Variants in OPTN observed in about 807,000 individuals in gnomAD.
The protein encoded by OPTN is E3-14.7K-interacting protein.
OPTN carries 54 observed loss-of-function variants against 70.4 expected under a neutral mutation model. The ratio of observed to expected loss-of-function variants is 0.77; its 90% CI spans 0.62 to 0.96. The LOEUF (loss-of-function observed/expected upper bound fraction) is 0.96, where lower values mean the gene tolerates loss of function less well. Ranked by LOEUF, OPTN falls within the 40% of genes least tolerant of loss-of-function variation. The pLI, the probability that OPTN is intolerant of heterozygous loss-of-function variation, is 0.00. For missense variants in OPTN, 624 were observed against 673.2 expected, an observed-to-expected ratio of 0.93 and a Z score of 0.81; for synonymous variants, 256 against 248.5, an observed-to-expected ratio of 1.03 and a Z score of -0.28.
chr10:13,104,925 C>T, intron 1 of OPTN: 1 of 269,226 alleles, frequency 3.7e-6, no homozygotes, highest in Non-Finnish European at 7.2e-6. Flanking sequence ...GGTGCAGTGG[C>T]TGCTGGTGGT....
chr10:13,121,971 G>A (rs554760222), intron 7 of OPTN, among the ~76,000 whole-genome samples: 2 of 152,092 alleles, frequency 1.3e-5, no homozygotes, highest in Non-Finnish European at 2.9e-5. Flanking sequence ...TTTTGTTGTC[G>A]TTTATTCGGT....
At position 13,125,445 on chromosome 10, in the gene OPTN, T is replaced by C; in HGVS notation, c.1026T>C (p.Ser342=). The C allele has an allele frequency of 6.2e-7, 1 of 1,614,198 alleles. No homozygotes were observed. The highest frequency in any genetic ancestry group is 8.5e-7 in the Non-Finnish European group (1 of 1,180,012). ...GTCAGGCCCTTGAAAGGAAAAATTC[T>C]GCAATTCCATCAGAGTTGAATGAAA... The part of the protein sequence containing the change: ...EKCQALERKN[S]AIPSELNEKQ... The change falls in exon 10 of 15, where the codon TCT becomes TCC. Residue 342 remains serine (S), a synonymous_variant. Transcript: ENST00000378747.
chr10:13,112,672 A>C, intron 5 of OPTN, 37 bp downstream of exon 5: 1 of 1,589,090 alleles, frequency 6.3e-7, no homozygotes, highest in South Asian at 1.1e-5. Flanking sequence ...TGAGCAAACT[A>C]TAAAGCCTCC....
At chr10:13,133,699 G>A in intron 14 of OPTN, 118 bp downstream of exon 14, 1 of 841,168 alleles carries the variant, frequency 1.2e-6, no homozygotes, top group Non-Finnish European at 2.0e-6. Context: ...CAAAAATATA[G>A]CACCCGTCAG....
intron 14 of OPTN, 113 bp downstream of exon 14, chr10:13,133,694 A>G: frequency 1.1e-6 from 1 of 879,902 alleles, no homozygotes; most frequent in Non-Finnish European, 1.8e-6. Context: ...GGCACCAAAA[A>G]TATAGCACCC....
intron 1 of OPTN, among the ~76,000 whole-genome samples, chr10:13,104,108 A>G (rs893191295): frequency 4.6e-5 from 7 of 152,170 alleles, no homozygotes; most frequent in African/African-American, 1.7e-4. Flanking sequence ...AAAACAGAGA[A>G]TGAAGCTTTC....
chr10:13,113,718 A>T lies in OPTN; in HGVS notation c.552+1083A>T, dbSNP rs573638665. On this transcript the variant is annotated intron_variant, in intron 5 of 14. Coordinates refer to ENST00000378747, the MANE Select transcript of OPTN (RefSeq NM_001008212.2). ...GATAGACAAGGATAAAATCCTCTGT[A>T]GTATAGATGGTCACTTTCGATGAGT... 3.3e-3 allele frequency among the ~76,000 whole-genome samples: 499 copies of T among 152,304 alleles called. 4 individuals are homozygous for T. Among genetic ancestry groups the T allele is most frequent in the African/African-American group, 0.012 (481 of 41,564 alleles).
At chr10:13,102,930 G>C (rs188607906) in intron 1 of OPTN, among the ~76,000 whole-genome samples, 3 of 148,902 alleles carry the variant, frequency 2.0e-5, no homozygotes, top group African/African-American at 7.3e-5. Context: ...GCGACAGAGT[G>C]AGACTGAGTC....
At chr10:13,136,660 T>G in intron 14 of OPTN, 85 bp from the exon 15 acceptor site, 1 of 1,553,422 alleles carries the variant, frequency 6.4e-7, no homozygotes, top group Non-Finnish European at 8.8e-7. Context: ...TGAACTGATG[T>G]TAAAACTCGC....
intron 12 of OPTN, 118 bp downstream of exon 12, chr10:13,128,021 T>C: frequency 8.2e-7 from 1 of 1,215,932 alleles, no homozygotes; most frequent in Middle Eastern, 2.7e-4. Flanking sequence ...TTTTCACCCG[T>C]GAGTGTATTA....
intron 1 of OPTN, among the ~76,000 whole-genome samples, chr10:13,106,247 AG>A (rs1426857039): frequency 1.3e-5 from 2 of 152,236 alleles, no homozygotes; most frequent in Non-Finnish European, 2.9e-5. Flanking sequence ...TCTGCAAATT[AG>A]GTAGGAACAC....
rs1488578242 is a variant in OPTN at position 13,115,416 on chromosome 10, TAGA to T, written c.553-849_553-847del. Among the ~76,000 whole-genome samples, 31 of 107,842 alleles carry T rather than the reference TAGA, an allele frequency of 2.9e-4. 1 individual carries two copies. The highest frequency in any genetic ancestry group is 1.2e-3 in the African/African-American group (31 of 26,578). 70.7% of individuals were successfully genotyped at this position (107,842 alleles called of 152,430 possible). ...AATAGATATATCTGTATTTATATTA[TAGA>T]ATATATATAATATAGAATATATATA... On this transcript the variant is annotated intron_variant, in intron 5 of 14. Coordinates refer to ENST00000378747, the MANE Select transcript of OPTN (RefSeq NM_001008212.2).
chr10:13,136,892 C>G lies in OPTN; in HGVS notation c.*26C>G, dbSNP rs373873655. ...GTGTTGATGTATCACCTCCCCAAAA[C>G]TGTTGGTAAATGTCAGATTTTTTCC... On this transcript the variant is annotated 3_prime_UTR_variant, in exon 15 of 15. Transcript: ENST00000378747. 2.8e-5 allele frequency: 45 copies of G among 1,613,852 alleles called. No homozygotes were observed. Among genetic ancestry groups the G allele is most frequent in the African/African-American group, 1.1e-4 (8 of 74,944 alleles).
At chr10:13,107,669 C>T (rs1006404701) in intron 1 of OPTN, among the ~76,000 whole-genome samples, 1 of 152,084 alleles carries the variant, frequency 6.6e-6, no homozygotes, top group Non-Finnish European at 1.5e-5. Flanking sequence ...GCGTGAGCCA[C>T]CGCGCCCGGC....
intron 12 of OPTN, among the ~76,000 whole-genome samples, chr10:13,128,459 C>T (rs1833516101): frequency 7.9e-6 from 1 of 126,224 alleles, no homozygotes; most frequent in African/African-American, 3.1e-5. Flanking sequence ...GTGTTTTTGG[C>T]CTTTGAGGTA....
intron 1 of OPTN, among the ~76,000 whole-genome samples, chr10:13,100,651 C>T (rs1333443079): frequency 6.6e-6 from 1 of 152,182 alleles, no homozygotes; most frequent in Non-Finnish European, 1.5e-5. Context: ...GCAGCCAGTT[C>T]CTCGCCATAA....
At chr10:13,125,201 G>A (rs1270471728) in intron 9 of OPTN, among the ~76,000 whole-genome samples, 6 of 152,206 alleles carry the variant, frequency 3.9e-5, no homozygotes, top group Non-Finnish European at 8.8e-5. Context: ...AGTACTGCAT[G>A]TGAGCTTAGA....
chr10:13,127,265 A>G (rs536563595), intron 11 of OPTN, among the ~76,000 whole-genome samples: 10 of 152,300 alleles, frequency 6.6e-5, no homozygotes, highest in Admixed American at 1.3e-4. Context: ...TACAGGTGTG[A>G]GCCATCATGC....
At chr10:13,129,916 G>T (rs1833556691) in intron 12 of OPTN, among the ~76,000 whole-genome samples, 1 of 152,150 alleles carries the variant, frequency 6.6e-6, no homozygotes, top group African/African-American at 2.4e-5. Context: ...CCAGTTGACT[G>T]GTACTTATAG....
Sources: allele counts gnomAD v4.1 joint callset (sites outside exome capture counted in the v4.1 genomes callset), GRCh38; gene constraint gnomAD v4.1.1; transcripts MANE v1.5; gene names NCBI Gene and HGNC (gene_info 2026-07-23, HGNC 2026-07-21).